ELN: variants seen among roughly 807,000 people sequenced by gnomAD.
The protein encoded by ELN is elastin.
ELN carries 65 observed loss-of-function variants against 105.8 expected under a neutral mutation model. That is an observed-to-expected ratio of 0.61 (90% CI 0.50 to 0.75). The LOEUF (loss-of-function observed/expected upper bound fraction) is 0.75. Ranked by LOEUF, ELN falls within the 30% of genes least tolerant of loss-of-function variation. The pLI is 0.00. For synonymous variants in ELN, 368 were observed against 389.2 expected, an observed-to-expected ratio of 0.95 and a Z score of 0.64; for missense variants, 882 against 969.4, an observed-to-expected ratio of 0.91 and a Z score of 1.20.
chr7:74,048,467 G>A (rs782761706), intron 14 of ELN, 36 bp from the exon 15 acceptor site: 2 of 1,613,998 alleles, frequency 1.2e-6, no homozygotes, highest in Non-Finnish European at 1.7e-6. Flanking sequence ...CAGGAGCACT[G>A]TTTCAAGGTC....
chr7:74,033,525 G>C (rs529984236), intron 1 of ELN, among the ~76,000 whole-genome samples: 2 of 152,316 alleles, frequency 1.3e-5, no homozygotes, highest in South Asian at 4.1e-4. Context: ...CCACCACTCC[G>C]AGCCTTGAGG....
chr7:74,061,172 T>C (rs782283524), intron 26 of ELN, 33 bp downstream of exon 26: 2 of 1,613,740 alleles, frequency 1.2e-6, no homozygotes, highest in South Asian at 2.2e-5. Flanking sequence ...TGTGGCTCCC[T>C]TGCCACCACA....
intron 17 of ELN, 137 bp from the exon 18 acceptor site, chr7:74,053,026 G>A: frequency 1.6e-6 from 2 of 1,248,454 alleles, no homozygotes; most frequent in Non-Finnish European, 2.3e-6. Flanking sequence ...TGATGAGTAG[G>A]ATCCATGCAG....
chr7:74,029,896 G>T (rs1367381514), intron 1 of ELN, among the ~76,000 whole-genome samples: 1 of 152,202 alleles, frequency 6.6e-6, no homozygotes, highest in Non-Finnish European at 1.5e-5. Flanking sequence ...AGTCCCCGGG[G>T]GTTAGTATCA....
chr7:74,041,129 C>T, intron 4 of ELN, 87 bp from the exon 5 acceptor site: 3 of 1,583,046 alleles, frequency 1.9e-6, no homozygotes, highest in Non-Finnish European at 2.6e-6. Context: ...AGTGGCTGAT[C>T]ACAGCACTGC....
At chr7:74,032,556 AT>A (rs1482621400) in intron 1 of ELN, among the ~76,000 whole-genome samples, 4 of 152,114 alleles carry the variant, frequency 2.6e-5, no homozygotes, top group Admixed American at 2.0e-4. Flanking sequence ...AACCTTCTCC[AT>A]TTCCTCATTG....
intron 10 of ELN, 187 bp from the exon 11 acceptor site, chr7:74,046,001 C>A: frequency 2.7e-6 from 2 of 752,138 alleles, no homozygotes; most frequent in Non-Finnish European, 4.3e-6. Flanking sequence ...CCCCATTCCA[C>A]CCCAGCCTGG....
intron 1 of ELN, among the ~76,000 whole-genome samples, chr7:74,030,496 CT>C (rs1214988056): frequency 6.9e-6 from 1 of 145,092 alleles, no homozygotes; most frequent in Non-Finnish European, 1.5e-5. Context: ...GATTTCAGAA[CT>C]GAAGATGGTT....
chr7:74,053,284 T>C lies in ELN; in HGVS notation c.1071T>C (p.Ala357=). The C allele has an allele frequency of 6.2e-7, 1 of 1,613,184 alleles. No individual in the cohort carries two copies. Among genetic ancestry groups the C allele is most frequent in the Non-Finnish European group, 8.5e-7 (1 of 1,179,756 alleles). Residue 357 remains alanine (A), a synonymous_variant, in exon 18 of 33, where the codon GCT becomes GCC. Transcript: ENST00000252034. ...PGAGIPVVPG[A]GIPGAAVPGV... ...CTGGGATTCCAGTTGTCCCAGGTGC[T>C]GGGATCCCAGGTGCTGCGGTTCCAG...
chr7:74,047,674 G>C lies in ELN; in HGVS notation c.644-1G>C. ...CTGAGTTTGCTCTGTCCTCTCTCCA[G>C]GTGGCTATGGACTGCCCTACACCAC... On this transcript the variant is annotated splice_acceptor_variant, in intron 12 of 32. Transcript: ENST00000252034. LOFTEE classifies it high-confidence loss of function. 6.2e-7 allele frequency: 1 copy of C among 1,614,166 alleles called. No homozygotes were observed. The highest frequency in any genetic ancestry group is 1.1e-5 in the South Asian group (1 of 91,088).
intron 12 of ELN, among the ~76,000 whole-genome samples, chr7:74,047,355 C>T (rs570491552): frequency 6.6e-5 from 10 of 152,350 alleles, no homozygotes; most frequent in Non-Finnish European, 2.9e-5. Flanking sequence ...TCCACCCACT[C>T]GTGCTCCCGC....
At chr7:74,041,690 G>A (rs1245754026) in intron 5 of ELN, among the ~76,000 whole-genome samples, 3 of 151,990 alleles carry the variant, frequency 2.0e-5, no homozygotes, top group South Asian at 2.1e-4. Flanking sequence ...CTGGGCGACA[G>A]AGAAAGACCT....
At chr7:74,039,183 C>A (rs1442634048) in intron 4 of ELN, among the ~76,000 whole-genome samples, 1 of 152,228 alleles carries the variant, frequency 6.6e-6, no homozygotes, top group Non-Finnish European at 1.5e-5. Context: ...AGACAGACAA[C>A]TCCCTACGAA....
chr7:74,069,600 G>A lies in ELN; in HGVS notation c.*900G>A, dbSNP rs1019663472. On this transcript the variant is annotated 3_prime_UTR_variant, in exon 33 of 33. Coordinates refer to ENST00000252034, the MANE Select transcript of ELN (RefSeq NM_000501.4). ...CTCCCTCGGTCCACTGAACTTCAGA[G>A]CAGTTCCCATTCCTGCCCCGCCCAT... The A allele has an allele frequency of 4.3e-6, 1 of 233,586 alleles. No individual in the cohort carries two copies. Among genetic ancestry groups the A allele is most frequent in the Non-Finnish European group, 8.5e-6 (1 of 118,000 alleles). 14.5% of individuals were successfully genotyped at this position (233,586 alleles called of 1,614,324 possible).
intron 1 of ELN, among the ~76,000 whole-genome samples, chr7:74,028,782 C>T (rs1429465545): frequency 2.6e-5 from 4 of 152,164 alleles, no homozygotes; most frequent in South Asian, 2.1e-4. Context: ...GGTCAGGGCT[C>T]CGCTGAGGAT....
intron 1 of ELN, among the ~76,000 whole-genome samples, 183 bp from the exon 2 acceptor site, chr7:74,035,181 A>T (rs1789610364): frequency 1.3e-5 from 2 of 152,234 alleles, no homozygotes; most frequent in South Asian, 4.1e-4. Context: ...AAGAATGAGA[A>T]CACACTTTGT....
Position 74,041,347 on chromosome 7 carries a change from C to CA in ELN, c.232+97dup. ...GCAGCACGGTCATGGAACAAGGGTGCAGGCCAGGTTCCGTCCTGGGCACTG... is the reference window on the plus strand; with the variant it reads ...GCAGCACGGTCATGGAACAAGGGTGCAAGGCCAGGTTCCGTCCTGGGCACTG... On this transcript the variant is annotated intron_variant, in intron 5 of 32. Coordinates refer to ENST00000252034, the MANE Select transcript of ELN (RefSeq NM_000501.4). 3 of 1,510,938 alleles carry CA rather than the reference C, an allele frequency of 2.0e-6. No individual in the cohort carries two copies. In the Admixed American group the frequency reaches 5.0e-5, roughly 25 times the overall value. The allele number at this position is 1,510,938 out of a possible 1,614,324, so 93.6% of individuals were successfully genotyped here.
At chr7:74,049,072 C>CATCT (rs569229940) in intron 15 of ELN, among the ~76,000 whole-genome samples, 3 of 148,742 alleles carry the variant, frequency 2.0e-5, no homozygotes, top group Non-Finnish European at 3.0e-5. Context: ...TCCATCTATC[C>CATCT]ATCCATCCAT....
chr7:74,068,420 C>A (rs1458009721), intron 32 of ELN, among the ~76,000 whole-genome samples: 1 of 152,246 alleles, frequency 6.6e-6, no homozygotes, highest in Non-Finnish European at 1.5e-5. Flanking sequence ...GGCCCCATGA[C>A]CTGCCCCCTT....
Sources: allele counts gnomAD v4.1 joint callset (sites outside exome capture counted in the v4.1 genomes callset), GRCh38; gene constraint gnomAD v4.1.1; transcripts MANE v1.5; gene names NCBI Gene and HGNC (gene_info 2026-07-23, HGNC 2026-07-21).